MAGI1: variants seen among roughly 807,000 people sequenced by gnomAD.
MAGI1 encodes membrane-associated guanylate kinase, WW and PDZ domain-containing protein 1.
A neutral mutation model predicts 139.9 loss-of-function variants in MAGI1; 58 were observed. The ratio of observed to expected loss-of-function variants is 0.41; its 90% CI spans 0.34 to 0.52. The LOEUF (loss-of-function observed/expected upper bound fraction) is 0.52, where lower values mean the gene tolerates loss of function less well. Among genes scored for constraint, MAGI1 ranks in the 20% least tolerant of loss-of-function variants. The pLI, the probability that MAGI1 is intolerant of heterozygous loss-of-function variation, is 0.12. For synonymous variants in MAGI1, 812 were observed against 737.9 expected, an observed-to-expected ratio of 1.10 and a Z score of -1.63; for missense variants, 1,874 against 1,901.6, an observed-to-expected ratio of 0.99 and a Z score of 0.27.
intron 12 of MAGI1, among the ~76,000 whole-genome samples, chr3:65,415,885 G>C (rs578202574): frequency 2.6e-5 from 4 of 152,128 alleles, no homozygotes; most frequent in South Asian, 2.1e-4. Context: ...TCCTCCTTTA[G>C]TTACCAAAGT....
At chr3:65,474,755 C>T (rs1950770362) in intron 4 of MAGI1, among the ~76,000 whole-genome samples, 1 of 152,236 alleles carries the variant, frequency 6.6e-6, no homozygotes, top group South Asian at 2.1e-4. Context: ...GTATCTCCCA[C>T]TGTGTACAAC....
intron 1 of MAGI1, among the ~76,000 whole-genome samples, chr3:65,939,512 G>C (rs1409877789): frequency 6.6e-6 from 1 of 152,134 alleles, no homozygotes; most frequent in Non-Finnish European, 1.5e-5. Flanking sequence ...AAGAAATATT[G>C]TCAAATAGCC....
intron 2 of MAGI1, among the ~76,000 whole-genome samples, chr3:65,593,813 A>G (rs1419033960): frequency 6.6e-6 from 1 of 152,258 alleles, no homozygotes; most frequent in Non-Finnish European, 1.5e-5. Flanking sequence ...ATATAGTTAT[A>G]TTGGGATATT....
intron 1 of MAGI1, among the ~76,000 whole-genome samples, chr3:65,724,866 C>A (rs62243982): frequency 0.22 from 33,871 of 151,970 alleles, 4,820 homozygotes; most frequent in African/African-American, 0.39. Context: ...TCATGAGAAC[C>A]ACATGGCCAA....
intron 1 of MAGI1, among the ~76,000 whole-genome samples, chr3:65,642,977 C>T (rs1559748413): frequency 6.6e-6 from 1 of 152,180 alleles, no homozygotes; most frequent in East Asian, 1.9e-4. Context: ...CAGAACAAGC[C>T]CTAACATAAT....
intron 1 of MAGI1, among the ~76,000 whole-genome samples, chr3:65,798,104 G>T (rs934728732): frequency 6.6e-5 from 10 of 152,116 alleles, no homozygotes; most frequent in Non-Finnish European, 1.5e-4. Context: ...AAGAGATGGA[G>T]ACCATCCTGG....
intron 5 of MAGI1, among the ~76,000 whole-genome samples, chr3:65,467,556 T>C (rs966710367): frequency 6.6e-6 from 1 of 152,220 alleles, no homozygotes; most frequent in Non-Finnish European, 1.5e-5. Flanking sequence ...TACTAAACCT[T>C]AGGTAAATGA....
intron 5 of MAGI1, among the ~76,000 whole-genome samples, chr3:65,453,804 A>G (rs1231271379): frequency 1.3e-5 from 2 of 152,180 alleles, no homozygotes; most frequent in African/African-American, 2.4e-5. Flanking sequence ...GCATGAAACT[A>G]CCTTAATTCA....
At chr3:65,401,894 T>G in intron 12 of MAGI1, 12 of 985,280 alleles carry the variant, frequency 1.2e-5, no homozygotes, top group Non-Finnish European at 1.4e-5. Context: ...GGAAAGGGTA[T>G]ATATTTAGTT....
chr3:65,425,044 T>A (rs1246621362), intron 12 of MAGI1, among the ~76,000 whole-genome samples: 1 of 138,230 alleles, frequency 7.2e-6, no homozygotes, highest in Non-Finnish European at 1.5e-5. Context: ...CACTCCAGCC[T>A]GGGCAAAAGA....
chr3:65,431,541 A>T (rs1947453767), intron 10 of MAGI1, among the ~76,000 whole-genome samples: 1 of 152,288 alleles, frequency 6.6e-6, no homozygotes, highest in South Asian at 2.1e-4. Flanking sequence ...GCTAAGAATT[A>T]CTGTTTAAAA....
At chr3:65,571,264 T>C (rs2080946949) in intron 2 of MAGI1, among the ~76,000 whole-genome samples, 1 of 152,182 alleles carries the variant, frequency 6.6e-6, no homozygotes, top group South Asian at 2.1e-4. Flanking sequence ...CAAATTATTT[T>C]ATATAAGTTT....
chr3:65,400,597 G>A (rs974509153), intron 13 of MAGI1, among the ~76,000 whole-genome samples: 9 of 152,026 alleles, frequency 5.9e-5, no homozygotes, highest in Non-Finnish European at 1.0e-4. Context: ...TCCAGATGTT[G>A]AGTTAAGCAG....
At position 65,668,002 on chromosome 3, in the gene MAGI1, G is replaced by A. The variant is rs560267484; in HGVS notation, c.314-45914C>T. The stretch of plus-strand genomic sequence containing the variant: ...ATGTTTCTGTTAATTTAATGAAAAC[G>A]TAAATTAGTAACATCAGGTTTTTCT... On this transcript the variant is annotated intron_variant, in intron 1 of 22. Coordinates refer to ENST00000402939, the MANE Select transcript of MAGI1 (RefSeq NM_001033057.2). Among the ~76,000 whole-genome samples, 20 of 152,268 alleles carry A rather than the reference G, an allele frequency of 1.3e-4. No individual in the cohort carries two copies. In the South Asian group the frequency reaches 2.3e-3, roughly 17 times the overall value.
intron 1 of MAGI1, among the ~76,000 whole-genome samples, chr3:65,717,950 AT>A (rs937612631): frequency 4.6e-5 from 7 of 152,204 alleles, no homozygotes; most frequent in African/African-American, 1.4e-4. Context: ...CATAAGAAAG[AT>A]TTTTTTCCCC....
At chr3:65,821,997 G>A (rs948350458) in intron 1 of MAGI1, among the ~76,000 whole-genome samples, 2 of 152,138 alleles carry the variant, frequency 1.3e-5, no homozygotes, top group Admixed American at 1.3e-4. Context: ...TTCATACAAA[G>A]ATGGAAAGCA....
intron 1 of MAGI1, among the ~76,000 whole-genome samples, chr3:65,802,844 TCA>T (rs2040598522): frequency 9.2e-6 from 1 of 108,970 alleles, no homozygotes; most frequent in Non-Finnish European, 1.9e-5. Flanking sequence ...AAAGATCATC[TCA>T]TCTGTGTGTG....
intron 1 of MAGI1, among the ~76,000 whole-genome samples, chr3:65,875,871 T>G (rs1404942039): frequency 1.3e-5 from 2 of 152,176 alleles, no homozygotes; most frequent in Non-Finnish European, 2.9e-5. Context: ...TTATCCTCAT[T>G]GCACAGATGA....
intron 18 of MAGI1, among the ~76,000 whole-genome samples, chr3:65,374,862 A>T (rs1575551841): frequency 6.6e-6 from 1 of 152,224 alleles, no homozygotes; most frequent in East Asian, 1.9e-4. Context: ...GGACAGGCCT[A>T]GTTTAATGCA....
Sources: gnomAD v4.1 joint callset for allele counts (sites outside exome capture counted in the v4.1 genomes callset) on GRCh38, gnomAD v4.1.1 for gene constraint, MANE v1.5 for transcripts, NCBI Gene and HGNC (gene_info 2026-07-23, HGNC 2026-07-21) for gene names.